The following DOP1B variants were observed in gnomAD, a reference collection of about 807,000 sequenced individuals.
DOP1B encodes the protein protein DOP1B.
Under a neutral mutation model 233.5 loss-of-function variants are expected in DOP1B, and 174 were observed. The ratio of observed to expected loss-of-function variants is 0.75; its 90% CI spans 0.66 to 0.85. The LOEUF is 0.85. Among genes scored for constraint, DOP1B ranks in the 40% least tolerant of loss-of-function variants. DOP1B has a pLI of 0.00. For synonymous variants in DOP1B, 1,190 were observed against 1,185.6 expected (o/e 1.00, Z -0.08); for missense variants, 2,652 against 2,846.6 (o/e 0.93, Z 1.56).
chr21:36,201,880 A>G (rs2066371652), intron 4 of DOP1B, among the ~76,000 whole-genome samples: 1 of 151,944 alleles, frequency 6.6e-6, no homozygotes, highest in South Asian at 2.1e-4. Context: ...AGAAAGTGTG[A>G]ATCTGTTCCG....
At chr21:36,238,809 A>G (rs2066856860) in intron 17 of DOP1B, 108 bp downstream of exon 17, 2 of 1,025,434 alleles carry the variant, frequency 2.0e-6, no homozygotes, top group Admixed American at 3.9e-5. Flanking sequence ...AGTTGAAAAC[A>G]TGAACCCATA....
Position 36,164,842 on chromosome 21 carries a change from C to G in DOP1B, c.109C>G (p.Leu37Val). Residue 37 changes from leucine to valine, a missense_variant, in exon 2 of 37, where the codon CTC becomes GTC. Around this residue, in one of 3 missense-constraint regions of DOP1B, gnomAD observed 2,617 missense variants for 2,794.3 expected, o/e 0.94. Transcript: ENST00000691173. ...NFESSSEWAD[L>V]ISSLGKLNKA... ...TGAGTCCTCGAGTGAATGGGCGGAT[C>G]TCATATCTTCACTTGGCAAACTCAA... 1.2e-6 allele frequency: 2 copies of G among 1,611,080 alleles called. No homozygotes were observed. The highest frequency in any genetic ancestry group is 1.7e-6 in the Non-Finnish European group (2 of 1,178,718).
chr21:36,247,845 G>T (rs183519033), intron 20 of DOP1B, among the ~76,000 whole-genome samples: 2 of 152,266 alleles, frequency 1.3e-5, no homozygotes, highest in Non-Finnish European at 2.9e-5. Flanking sequence ...AAATGCATAT[G>T]CAAATGCATG....
chr21:36,247,534 A>G lies in DOP1B; in HGVS notation c.4715A>G (p.Glu1572Gly). The G allele has an allele frequency of 2.5e-6, 4 of 1,605,360 alleles. No homozygotes were observed. The highest frequency in any genetic ancestry group is 2.5e-6 in the Non-Finnish European group (3 of 1,177,760). Residue 1572 changes from glutamate to glycine, a missense_variant, in exon 20 of 37, where the codon GAA becomes GGA. This residue lies in a region of DOP1B where 2,617 missense variants were observed against 2,794.3 expected (regional missense o/e 0.94). Coordinates refer to ENST00000691173, the MANE Select transcript of DOP1B (RefSeq NM_001320714.2). ...KLSVSTTSKR[E>G]NISPDYPLTL... is the part of the protein sequence containing the mutation. ...CACCACAGCACAACCTCCAAGAGGG[A>G]AAACATTTCTCCAGATTATCCACTC...
intron 4 of DOP1B, among the ~76,000 whole-genome samples, chr21:36,201,372 G>T (rs1208005216): frequency 4.2e-5 from 2 of 47,348 alleles, no homozygotes; most frequent in Non-Finnish European, 7.8e-5. Flanking sequence ...TTTTGAGACA[G>T]AGTCTTGTTC....
chr21:36,293,320 G>A lies in DOP1B; in HGVS notation c.6646G>A (p.Glu2216Lys). 2 of 1,611,466 alleles carry A rather than the reference G, an allele frequency of 1.2e-6. No individual in the cohort carries two copies. Among genetic ancestry groups the A allele is most frequent in the Non-Finnish European group, 1.7e-6 (2 of 1,178,414 alleles). ...TGTTATGGGTTTGTTTTTTCTGCAG[G>A]AAATCAGTAGCTCTGATGAGATCAC... ...ILELLKLKFG[E>K]ISSSDEITMK... Residue 2216 changes from glutamate (E) to lysine (K), a missense_variant and splice_region_variant, in exon 37 of 37, where the codon GAA (glutamate) becomes AAA (lysine). This residue lies in a region of DOP1B where 2,617 missense variants were observed against 2,794.3 expected (regional missense o/e 0.94). Transcript: ENST00000691173.
intron 1 of DOP1B, among the ~76,000 whole-genome samples, chr21:36,163,075 G>A (rs927694988): frequency 1.3e-5 from 2 of 152,028 alleles, no homozygotes; most frequent in African/African-American, 2.4e-5. Context: ...TGCCAGGCGC[G>A]GTGGCTCACG....
intron 24 of DOP1B, chr21:36,261,683 G>A (rs928515770): frequency 3.1e-6 from 3 of 977,250 alleles, no homozygotes; most frequent in African/African-American, 1.8e-5. Flanking sequence ...TAGAGTGGGT[G>A]AGTCACTTGA....
intron 22 of DOP1B, among the ~76,000 whole-genome samples, chr21:36,252,208 C>G (rs1444087581): frequency 1.3e-5 from 2 of 151,862 alleles, no homozygotes; most frequent in Non-Finnish European, 2.9e-5. Context: ...GAACATGCCA[C>G]CCATTTGGCT....
At chr21:36,272,798 G>C (rs62232377) in intron 27 of DOP1B, among the ~76,000 whole-genome samples, 3 of 149,804 alleles carry the variant, frequency 2.0e-5, no homozygotes, top group African/African-American at 7.4e-5. Context: ...CAGCCTGACC[G>C]ACATGGAGAA....
intron 2 of DOP1B, chr21:36,168,930 T>TA (rs1350573261): frequency 1.7e-6 from 1 of 579,098 alleles, no homozygotes; most frequent in Non-Finnish European, 3.1e-6. Context: ...AAAAATAACT[T>TA]TTATTGAGAC....
chr21:36,207,199 T>G lies in DOP1B; in HGVS notation c.492-1516T>G, dbSNP rs540292296. On this transcript the variant is annotated intron_variant, in intron 4 of 36. Coordinates refer to ENST00000691173, the MANE Select transcript of DOP1B (RefSeq NM_001320714.2). ...TTTCTTTTTTTCTTTTCTTTTTTTT[T>G]TTTGAGACAGAGTCTCACTCTGTTG... 1.3e-4 allele frequency among the ~76,000 whole-genome samples: 19 copies of G among 151,642 alleles called. 1 individual carries two copies. The highest frequency in any genetic ancestry group is 4.1e-4 in the African/African-American group (17 of 41,384).
chr21:36,232,670 AG>A, intron 14 of DOP1B, 133 bp from the exon 15 acceptor site: 1 of 1,167,162 alleles, frequency 8.6e-7, no homozygotes. Context: ...CACCAGCGGG[AG>A]GTTAGCGCAC....
intron 1 of DOP1B, among the ~76,000 whole-genome samples, chr21:36,163,903 G>A (rs2065888240): frequency 6.6e-6 from 1 of 152,198 alleles, no homozygotes; most frequent in Non-Finnish European, 1.5e-5. Context: ...GCAAGATGTA[G>A]CTTCACTCCA....
chr21:36,191,642 C>T (rs769023243), intron 2 of DOP1B, among the ~76,000 whole-genome samples: 8 of 152,072 alleles, frequency 5.3e-5, no homozygotes, highest in Non-Finnish European at 1.0e-4. Flanking sequence ...AAAAATTAGC[C>T]GGGCATGGTG....
At position 36,232,972 on chromosome 21, in the gene DOP1B, G is replaced by T. The variant is rs1332225731; in HGVS notation, c.2519G>T (p.Ser840Ile). The T allele has an allele frequency of 6.2e-7, 1 of 1,614,088 alleles. No homozygotes were observed. Among genetic ancestry groups the T allele is most frequent in the African/African-American group, 1.3e-5 (1 of 75,014 alleles). The change falls in exon 15 of 37, where the codon AGC becomes ATC. Residue 840 changes from serine (S) to isoleucine (I), a missense_variant. Ser to Ile is a moderately radical substitution (Grantham distance 142, BLOSUM62 -2). Around this residue, in one of 3 missense-constraint regions of DOP1B, gnomAD observed 2,617 missense variants for 2,794.3 expected, o/e 0.94. Transcript: ENST00000691173. Reference protein sequence around the residue: ...VIEDKMKRYKSSGHNPFFGKL... With the variant: ...VIEDKMKRYKISGHNPFFGKL... ...GAAGACAAGATGAAACGCTATAAGAGCTCTGGACACAACCCTTTTTTTGGC... is the reference window on the plus strand; with the variant it reads ...GAAGACAAGATGAAACGCTATAAGATCTCTGGACACAACCCTTTTTTTGGC...
At chr21:36,158,751 CGA>C in intron 1 of DOP1B, among the ~76,000 whole-genome samples, 1 of 140,134 alleles carries the variant, frequency 7.1e-6, no homozygotes, top group East Asian at 2.1e-4. Context: ...TGCAGTGAGC[CGA>C]AATGGCGCCA....
chr21:36,208,279 T>G (rs1007991472), intron 4 of DOP1B, among the ~76,000 whole-genome samples: 9 of 152,230 alleles, frequency 5.9e-5, no homozygotes, highest in Admixed American at 2.0e-4. Flanking sequence ...TGCTTAAGTC[T>G]TTGATCAGTC....
At chr21:36,289,973 C>G (rs909776699) in intron 35 of DOP1B, among the ~76,000 whole-genome samples, 1 of 152,068 alleles carries the variant, frequency 6.6e-6, no homozygotes, top group African/African-American at 2.4e-5. Flanking sequence ...AATGGTAGAT[C>G]CATGTCATTG....
Sources: allele counts gnomAD v4.1 joint callset (sites outside exome capture counted in the v4.1 genomes callset), GRCh38; gene constraint gnomAD v4.1.1; regional missense constraint gnomAD v4.1.1; transcripts MANE v1.5; gene names NCBI Gene and HGNC (gene_info 2026-07-23, HGNC 2026-07-21).